Variants in TBCE observed in about 807,000 individuals in gnomAD.
The protein encoded by TBCE is tubulin-specific chaperone E.
Under a neutral mutation model 77.0 loss-of-function variants are expected in TBCE, and 53 were observed. That is an observed-to-expected ratio of 0.69 (90% CI 0.55 to 0.87). The LOEUF (loss-of-function observed/expected upper bound fraction) is 0.87, where lower values mean the gene tolerates loss of function less well. Ranked by LOEUF, TBCE falls within the 40% of genes least tolerant of loss-of-function variation. The probability of loss-of-function intolerance (pLI) is 0.00; values close to 1 mark genes in which losing one functional copy is unlikely to be tolerated. For synonymous variants in TBCE, 235 were observed against 241.3 expected, an observed-to-expected ratio of 0.97 and a Z score of 0.24; for missense variants, 624 against 622.4, an observed-to-expected ratio of 1.00 and a Z score of -0.03.
chr1:235,368,386 C>T (rs531565810), intron 1 of TBCE, among the ~76,000 whole-genome samples: 6 of 152,050 alleles, frequency 3.9e-5, no homozygotes, highest in Admixed American at 2.6e-4. Context: ...AGAGAGAAGA[C>T]TTTTCTTTTC....
chr1:235,438,908 A>C lies in TBCE; in HGVS notation c.1256A>C (p.Gln419Pro). Residue 419 changes from glutamine (Q) to proline (P), a missense_variant, in exon 13 of 17, where the codon CAG (glutamine) becomes CCG (proline). By Grantham distance (76) the Gln-to-Pro change is moderately conservative. Coordinates refer to ENST00000642610, the MANE Select transcript of TBCE (RefSeq NM_003193.5). ...TTCCTCACAGCCCATCCCAGATACC[A>C]GTTCCTCTGCCTGAGTACGTGCGTA... ...EEFLTAHPRY[Q>P]FLCLKYGAPE... is the part of the protein sequence containing the mutation. 6.2e-7 allele frequency: 1 copy of C among 1,614,144 alleles called. No homozygotes were observed. The highest frequency in any genetic ancestry group is 1.1e-5 in the South Asian group (1 of 91,074).
intron 1 of TBCE, among the ~76,000 whole-genome samples, chr1:235,371,197 C>T (rs188330555): frequency 6.1e-4 from 92 of 150,860 alleles, no homozygotes; most frequent in African/African-American, 2.0e-3. Flanking sequence ...GCTGGGATTA[C>T]AGGCATGCGC....
chr1:235,379,834 G>A (rs139840063), intron 1 of TBCE, among the ~76,000 whole-genome samples, 185 bp from the exon 2 acceptor site: 101 of 151,296 alleles, frequency 6.7e-4, no homozygotes, highest in African/African-American at 2.0e-3. Flanking sequence ...CTGTGGACCC[G>A]GTTACTCTGG....
intron 2 of TBCE, among the ~76,000 whole-genome samples, chr1:235,387,906 C>T (rs1005691425): frequency 2.6e-5 from 4 of 152,176 alleles, no homozygotes; most frequent in African/African-American, 9.7e-5. Flanking sequence ...ACTCCATAGA[C>T]AGAGCAGCCC....
rs558368687 is a variant in TBCE at position 235,409,952 on chromosome 1, C to G, written c.186-4481C>G. Among the ~76,000 whole-genome samples, 13 of 147,432 alleles carry G rather than the reference C, an allele frequency of 8.8e-5. No individual in the cohort carries two copies. The East Asian group carries it at 1.8e-3, about 21-fold the overall frequency. ...GGCTGAGGCAGGAGAATGGCGTGAA[C>G]CCGGGAGTTGGAGATTGCAGTGAAC... is the stretch of plus-strand genomic sequence containing the variant. On this transcript the variant is annotated intron_variant, in intron 3 of 16. Coordinates refer to ENST00000642610, the MANE Select transcript of TBCE (RefSeq NM_003193.5).
At chr1:235,395,687 G>A (rs1447338889) in intron 2 of TBCE, among the ~76,000 whole-genome samples, 1 of 151,806 alleles carries the variant, frequency 6.6e-6, no homozygotes, top group Non-Finnish European at 1.5e-5. Context: ...TGGGATTACA[G>A]GTGTGCACCA....
intron 3 of TBCE, among the ~76,000 whole-genome samples, chr1:235,405,830 C>T (rs1262456730): frequency 2.0e-5 from 3 of 152,080 alleles, no homozygotes; most frequent in South Asian, 2.1e-4. Flanking sequence ...ACCACAAACA[C>T]GAGTATTATG....
At position 235,448,934 on chromosome 1, in the gene TBCE, C is replaced by T. The variant is rs1682698588; in HGVS notation, c.*172C>T. On this transcript the variant is annotated 3_prime_UTR_variant, in exon 17 of 17. Transcript: ENST00000642610. Reference sequence around the variant, plus strand: ...GGAAGTGACCATTTCTAGGCTTATACATAATAGCAATAATAAAGGCTTTGA... The same window carrying T: ...GGAAGTGACCATTTCTAGGCTTATATATAATAGCAATAATAAAGGCTTTGA... 1 of 589,128 alleles carries T rather than the reference C, an allele frequency of 1.7e-6. No homozygotes were observed. Among genetic ancestry groups the T allele is most frequent in the Admixed American group, 2.7e-5 (1 of 36,600 alleles). The allele number at this position is 589,128 out of a possible 1,614,324, so 36.5% of individuals were successfully genotyped here.
At chr1:235,438,991 A>G (rs1558391222) in intron 13 of TBCE, 69 bp downstream of exon 13, 1 of 1,605,752 alleles carries the variant, frequency 6.2e-7, no homozygotes, top group Non-Finnish European at 8.5e-7. Context: ...TTTCTTGGGT[A>G]TCAAAAGAGG....
At chr1:235,425,845 C>T (rs1680680323) in intron 5 of TBCE, among the ~76,000 whole-genome samples, 1 of 152,174 alleles carries the variant, frequency 6.6e-6, no homozygotes, top group South Asian at 2.1e-4. Context: ...TCCCTCAGCT[C>T]TCTGCTCAGA....
chr1:235,427,954 C>G (rs541661820), intron 6 of TBCE, among the ~76,000 whole-genome samples: 1 of 151,376 alleles, frequency 6.6e-6, no homozygotes, highest in Non-Finnish European at 1.5e-5. Context: ...TGCTTGAACC[C>G]GGGAGGCAGA....
At chr1:235,400,887 T>G (rs1679061224) in intron 2 of TBCE, among the ~76,000 whole-genome samples, 1 of 150,730 alleles carries the variant, frequency 6.6e-6, no homozygotes, top group Non-Finnish European at 1.5e-5. Flanking sequence ...AGAGATGGGG[T>G]TTCTTCACGT....
At chr1:235,419,294 A>G in intron 4 of TBCE, 179 bp from the exon 5 acceptor site, 1 of 879,176 alleles carries the variant, frequency 1.1e-6, no homozygotes, top group Non-Finnish European at 1.8e-6. Context: ...CATTTGTAAT[A>G]TTTGTAGTGC....
chr1:235,440,073 C>T (rs907330977), intron 13 of TBCE, among the ~76,000 whole-genome samples: 1 of 151,700 alleles, frequency 6.6e-6, no homozygotes, highest in Non-Finnish European at 1.5e-5. Context: ...CGGGTTCACG[C>T]CATTCTCCTG....
chr1:235,411,166 T>C (rs1679761324), intron 3 of TBCE, among the ~76,000 whole-genome samples: 1 of 152,256 alleles, frequency 6.6e-6, no homozygotes, highest in South Asian at 2.1e-4. Flanking sequence ...TTGTTTCTTC[T>C]GAGCAGCAGC....
At chr1:235,384,581 T>C (rs1222971353) in intron 2 of TBCE, among the ~76,000 whole-genome samples, 9 of 149,576 alleles carry the variant, frequency 6.0e-5, no homozygotes, top group Non-Finnish European at 1.2e-4. Flanking sequence ...CCATTTCTTC[T>C]AGATTTTCTA....
At chr1:235,440,258 C>T (rs553309757) in intron 13 of TBCE, among the ~76,000 whole-genome samples, 79 of 152,322 alleles carry the variant, frequency 5.2e-4, no homozygotes, top group African/African-American at 1.8e-3. Flanking sequence ...GCGTGAGCCA[C>T]CGCGCCCAGC....
intron 2 of TBCE, among the ~76,000 whole-genome samples, chr1:235,390,563 C>G (rs1678316314): frequency 6.6e-6 from 1 of 151,974 alleles, no homozygotes. Context: ...ACCAGCCTGA[C>G]CAACATGGTG....
In TBCE at chr1:235,443,185, C is replaced by CATAT. The variant is rs1553340612; in HGVS notation, c.1399+282_1399+285dup. 0.047 allele frequency among the ~76,000 whole-genome samples: 6,629 copies of CATAT among 139,782 alleles called. 234 individuals are homozygous for CATAT. The highest frequency in any genetic ancestry group is 0.098 in the African/African-American group (3,952 of 40,184). 91.7% of individuals were successfully genotyped at this position (139,782 alleles called of 152,430 possible). A position where few individuals can be genotyped will look rare whatever the true frequency, so the allele number is the denominator to read the frequency against. On this transcript the variant is annotated intron_variant, in intron 15 of 16. Coordinates refer to ENST00000642610, the MANE Select transcript of TBCE (RefSeq NM_003193.5). Reference sequence around the variant, plus strand: ...ATAATTACACACACACACACACACACATATATATATACACACACACACACA... The same window carrying CATAT: ...ATAATTACACACACACACACACACACATATATATATATATACACACACACACACA...
Sources: allele counts gnomAD v4.1 joint callset (sites outside exome capture counted in the v4.1 genomes callset), GRCh38; gene constraint gnomAD v4.1.1; transcripts MANE v1.5; gene names NCBI Gene and HGNC (gene_info 2026-07-23, HGNC 2026-07-21).